Variants in SH3D21 observed in about 807,000 individuals in gnomAD.
SH3D21 encodes SH3 domain-containing protein 21.
Under a neutral mutation model 82.1 loss-of-function variants are expected in SH3D21, and 83 were observed. That is an observed-to-expected ratio of 1.01 (90% CI 0.85 to 1.21). The LOEUF (loss-of-function observed/expected upper bound fraction) is 1.21, where lower values mean the gene tolerates loss of function less well. Among genes scored for constraint, SH3D21 ranks in the 50% most tolerant of loss-of-function variants. The probability of loss-of-function intolerance (pLI) is 0.00; values close to 1 mark genes in which losing one functional copy is unlikely to be tolerated. For missense variants in SH3D21, 980 were observed against 962.1 expected (o/e 1.02, Z -0.25); for synonymous variants, 383 against 387.8 (o/e 0.99, Z 0.15).
intron 10 of SH3D21, among the ~76,000 whole-genome samples, chr1:36,310,214 A>G (rs1265571043): frequency 6.6e-6 from 1 of 152,154 alleles, no homozygotes; most frequent in Non-Finnish European, 1.5e-5. Flanking sequence ...TCAGCCTCCC[A>G]AAGTGCTGGG....
chr1:36,308,044 G>C, intron 7 of SH3D21, 65 bp from the exon 8 acceptor site: 1 of 1,548,954 alleles, frequency 6.5e-7, no homozygotes, highest in Non-Finnish European at 8.7e-7. Flanking sequence ...GGCTGATGGA[G>C]GTGGGGGCTG....
chr1:36,308,529 G>A (rs1417024532), intron 9 of SH3D21, 54 bp downstream of exon 9: 3 of 1,485,252 alleles, frequency 2.0e-6, no homozygotes, highest in African/African-American at 1.4e-5. Context: ...TTTGGACAAA[G>A]GTGGGGATCA....
At chr1:36,328,175 C>A (rs138653714), downstream of SH3D21, 373 of 455,132 alleles carry the variant, frequency 8.2e-4, 5 homozygotes, top group East Asian at 0.014. Flanking sequence ...GAAGGACAGG[C>A]CTTGATGGAA....
chr1:36,315,416 C>G (rs1178621070), intron 10 of SH3D21, among the ~76,000 whole-genome samples: 2 of 151,998 alleles, frequency 1.3e-5, no homozygotes, highest in Non-Finnish European at 2.9e-5. Context: ...ATGGCATGAT[C>G]TCAGCTCACT....
downstream of SH3D21, chr1:36,323,702 G>C (rs1646509159): frequency 6.6e-6 from 1 of 152,126 alleles, no homozygotes; most frequent in Non-Finnish European, 1.5e-5. Flanking sequence ...GGCTGGGAGA[G>C]GAAGGGGAGA....
rs575992659 is a variant in SH3D21 at position 36,308,146 on chromosome 1, C to T, written c.576C>T (p.Tyr192=). The T allele has an allele frequency of 4.6e-5, 71 of 1,549,946 alleles. No individual in the cohort carries two copies. Among genetic ancestry groups the T allele is most frequent in the Non-Finnish European group, 5.9e-5 (68 of 1,146,110 alleles). Residue 192 remains tyrosine (Y), a synonymous_variant, in exon 8 of 16, where the codon TAC becomes TAT. Coordinates refer to ENST00000453908, the MANE Select transcript of SH3D21 (RefSeq NM_001162530.2). ...HPEVYRVLFD[Y]QPEAPDELAL... ...AGGTCTACAGGGTCCTGTTTGACTACCAGCCTGAGGCCCCAGACGAGTTGG... is the reference window on the plus strand; with the variant it reads ...AGGTCTACAGGGTCCTGTTTGACTATCAGCCTGAGGCCCCAGACGAGTTGG...
chr1:36,306,656 C>T lies in SH3D21; in HGVS notation c.63C>T (p.Pro21=). The T allele has an allele frequency of 2.3e-6, 3 of 1,300,636 alleles. No homozygotes were observed. Among genetic ancestry groups the T allele is most frequent in the Non-Finnish European group, 3.0e-6 (3 of 988,474 alleles). 80.6% of individuals were successfully genotyped at this position (1,300,636 alleles called of 1,614,324 possible). The change falls in exon 2 of 16, where the codon CCC becomes CCT. Residue 21 remains proline (P), a synonymous_variant. Coordinates refer to ENST00000453908, the MANE Select transcript of SH3D21 (RefSeq NM_001162530.2). This position sits in a 1 kb window ranked among gnomAD's most constrained non-coding sequence, Gnocchi z 4.5. ...AQKEDELSLA[P]GDVVRQVRWV... is the part of the protein sequence containing the mutation. ...AGGAGGACGAGCTGAGTCTGGCGCC[C>T]GGGGACGTGGTCCGGCAGGTGCGCT...
At chr1:36,313,997 C>T (rs1431789440) in intron 10 of SH3D21, among the ~76,000 whole-genome samples, 2 of 2,348 alleles carry the variant, frequency 8.5e-4, no homozygotes, top group Non-Finnish European at 0.011. Flanking sequence ...TTTTTTGAGA[C>T]GGAGTCTCGC....
Position 36,320,409 on chromosome 1 carries a change from C to G in SH3D21, c.1746C>G (p.His582Gln). 6.2e-7 allele frequency: 1 copy of G among 1,613,578 alleles called. No homozygotes were observed. The highest frequency in any genetic ancestry group is 8.5e-7 in the Non-Finnish European group (1 of 1,179,854). Reference sequence around the variant, plus strand: ...CTGCCCTTGAGAAGCCCCACCCCCACGAAGAGGCTACAACCCTTCCAGAGG... The same window carrying G: ...CTGCCCTTGAGAAGCCCCACCCCCAGGAAGAGGCTACAACCCTTCCAGAGG... ...SRPALEKPHPHEEATTLPEEA... is the reference protein window; with the variant it reads ...SRPALEKPHPQEEATTLPEEA... The change falls in exon 14 of 16, where the codon CAC becomes CAG. Residue 582 changes from histidine (H) to glutamine (Q), a missense_variant. By Grantham distance (24) the His-to-Gln change is conservative. Coordinates refer to ENST00000453908, the MANE Select transcript of SH3D21 (RefSeq NM_001162530.2).
downstream of SH3D21, chr1:36,321,537 G>A (rs771096887): frequency 4.0e-6 from 3 of 746,950 alleles, no homozygotes; most frequent in African/African-American, 1.9e-5. The surrounding 1 kb of genome is among the most constrained non-coding windows in gnomAD (Gnocchi z 6.1). Context: ...GGGCCTTCTC[G>A]CCAGCTCGGA....
In SH3D21 at chr1:36,320,368, G is replaced by A; in HGVS notation, c.1705G>A (p.Gly569Arg). The A allele has an allele frequency of 6.2e-7, 1 of 1,613,510 alleles. No individual in the cohort carries two copies. The highest frequency in any genetic ancestry group is 1.6e-4 in the Middle Eastern group (1 of 6,062). Residue 569 changes from glycine to arginine, a missense_variant, in exon 14 of 16, where the codon GGG becomes AGG. Transcript: ENST00000453908. ...SSPRQAELKS[G>R]PASRPALEKP... ...CCCACGCCAGGCTGAGTTGAAGTCTGGGCCAGCATCCAGGCCTGCCCTTGA... is the reference window on the plus strand; with the variant it reads ...CCCACGCCAGGCTGAGTTGAAGTCTAGGCCAGCATCCAGGCCTGCCCTTGA...
Position 36,307,085 on chromosome 1 carries a change from G to A in SH3D21, c.227-82G>A, listed in dbSNP as rs1646140642. 1 of 1,534,826 alleles carries A rather than the reference G, an allele frequency of 6.5e-7. No homozygotes were observed. The highest frequency in any genetic ancestry group is 1.4e-5 in the African/African-American group (1 of 72,736). ...TGGGGCGGGGCTGGAGGGACCAAAG[G>A]CTACGTGCGCGCCTTGCGCTTCCCC... On this transcript the variant is annotated intron_variant, in intron 3 of 15. Coordinates refer to ENST00000453908, the MANE Select transcript of SH3D21 (RefSeq NM_001162530.2). The surrounding 1 kb of genome is among the most constrained non-coding windows in gnomAD (Gnocchi z 5.4).
Position 36,319,977 on chromosome 1 carries a change from C to T in SH3D21, c.1314C>T (p.Thr438=), listed in dbSNP as rs762170211. The T allele has an allele frequency of 5.0e-6, 8 of 1,613,998 alleles. No individual in the cohort carries two copies. In the South Asian group the frequency reaches 6.6e-5, roughly 13 times the overall value. Reference sequence around the variant, plus strand: ...AGAACTCCATCATCCCAGAGGAGACCCTGACTGTGGACAAACCCTCCACTC... The same window carrying T: ...AGAACTCCATCATCCCAGAGGAGACTCTGACTGTGGACAAACCCTCCACTC... ...IPENSIIPEE[T]LTVDKPSTPE... is the part of the protein sequence containing the mutation. The change falls in exon 14 of 16, where the codon ACC becomes ACT. Residue 438 remains threonine (T), a synonymous_variant. Coordinates refer to ENST00000453908, the MANE Select transcript of SH3D21 (RefSeq NM_001162530.2).
At chr1:36,318,898 A>AAATAATAATAATAATAATAAT (rs58567392) in intron 10 of SH3D21, among the ~76,000 whole-genome samples, 173 bp from the exon 11 acceptor site, 2 of 140,414 alleles carry the variant, frequency 1.4e-5, no homozygotes, top group African/African-American at 5.3e-5. Context: ...ACTCCATCTC[A>AAATAATAATAATAATAATAAT]AATAATAATA....
chr1:36,309,716 G>A, intron 10 of SH3D21, 126 bp downstream of exon 10: 2 of 996,010 alleles, frequency 2.0e-6, no homozygotes, highest in Non-Finnish European at 2.9e-6. Flanking sequence ...TCACCTGTGG[G>A]TCAAAAGCTG....
intron 10 of SH3D21, among the ~76,000 whole-genome samples, chr1:36,313,681 C>T (rs2124683414): frequency 6.6e-6 from 1 of 152,102 alleles, no homozygotes; most frequent in South Asian, 2.1e-4. Flanking sequence ...CCTCCCACTT[C>T]AGCCTCCCGA....
At position 36,307,912 on chromosome 1, in the gene SH3D21, C is replaced by A; in HGVS notation, c.493-6C>A. On this transcript the variant is annotated splice_region_variant and splice_polypyrimidine_tract_variant and intron_variant, in intron 6 of 15. Coordinates refer to ENST00000453908, the MANE Select transcript of SH3D21 (RefSeq NM_001162530.2). The surrounding 1 kb of genome is among the most constrained non-coding windows in gnomAD (Gnocchi z 5.4). ...TCTAGTTCCTCCCTGCCCCTTCCCCCACTAGCTGAGCAGCCTGGCCTATGA... is the reference window on the plus strand; with the variant it reads ...TCTAGTTCCTCCCTGCCCCTTCCCCAACTAGCTGAGCAGCCTGGCCTATGA... The A allele has an allele frequency of 1.3e-6, 2 of 1,551,724 alleles. No individual in the cohort carries two copies. The highest frequency in any genetic ancestry group is 2.0e-5 in the Admixed American group (1 of 51,000).
At chr1:36,313,275 G>A (rs1483580868) in intron 10 of SH3D21, among the ~76,000 whole-genome samples, 4 of 151,760 alleles carry the variant, frequency 2.6e-5, no homozygotes, top group African/African-American at 7.3e-5. Context: ...GCAGTGAGCC[G>A]AGATCGCGTC....
At position 36,319,669 on chromosome 1, in the gene SH3D21, C is replaced by T. The variant is rs2282431; in HGVS notation, c.1012-6C>T. 0.27 allele frequency: 431,789 copies of T among 1,572,292 alleles called. 66,251 individuals are homozygous for T. Among genetic ancestry groups the T allele is most frequent in the East Asian group, 0.72 (30,659 of 42,878 alleles). On this transcript the variant is annotated splice_region_variant and splice_polypyrimidine_tract_variant and intron_variant, in intron 13 of 15. Coordinates refer to ENST00000453908, the MANE Select transcript of SH3D21 (RefSeq NM_001162530.2). ...TCAGCTGAGACTTCACCTCCCATCA[C>T]GGCAGGAGGAAGAGCACAGCAGCCC...
Sources: allele counts gnomAD v4.1 joint callset (sites outside exome capture counted in the v4.1 genomes callset), GRCh38; gene constraint gnomAD v4.1.1; non-coding constraint Gnocchi (gnomAD v3.1); transcripts MANE v1.5; gene names NCBI Gene and HGNC (gene_info 2026-07-23, HGNC 2026-07-21).